Variants in RASSF8 observed in about 807,000 individuals in gnomAD.
RASSF8 encodes the protein Ras association domain family member 8.
RASSF8 carries 22 observed loss-of-function variants against 48.5 expected under a neutral mutation model. That is an observed-to-expected ratio of 0.45 (90% confidence interval 0.32 to 0.65). RASSF8 has a LOEUF of 0.65. Among genes scored for constraint, RASSF8 ranks in the 30% least tolerant of loss-of-function variants. RASSF8 has a pLI of 0.03. For synonymous variants in RASSF8, 127 were observed against 171.5 expected (o/e 0.74, Z 2.03); for missense variants, 418 against 489.2 (o/e 0.85, Z 1.37).
intron 2 of RASSF8, among the ~76,000 whole-genome samples, chr12:26,050,164 G>A (rs925729339): frequency 3.3e-5 from 5 of 152,294 alleles, no homozygotes; most frequent in African/African-American, 1.2e-4. Flanking sequence ...TATACTAGAT[G>A]TGACTGAAAT....
intron 2 of RASSF8, among the ~76,000 whole-genome samples, chr12:26,033,165 T>C (rs1943064098): frequency 6.6e-6 from 1 of 152,218 alleles, no homozygotes. Flanking sequence ...TACTCTGTAA[T>C]GAGACCAGAG....
At chr12:26,005,097 T>G (rs1216986869) in intron 2 of RASSF8, among the ~76,000 whole-genome samples, 1 of 152,174 alleles carries the variant, frequency 6.6e-6, no homozygotes, top group Non-Finnish European at 1.5e-5. Context: ...TTTCTTGGGT[T>G]TCTCTGCAGA....
chr12:25,975,318 A>G (rs565872302), intron 1 of RASSF8, among the ~76,000 whole-genome samples: 3 of 152,336 alleles, frequency 2.0e-5, no homozygotes, highest in South Asian at 4.1e-4. Context: ...GAGGTTAGGA[A>G]TACTTACCCA....
In RASSF8 at chr12:26,055,404, A is replaced by G; in HGVS notation, c.61A>G (p.Thr21Ala). Reference protein sequence around the residue: ...QRIVCGVTEVTTCQEVVIALA... With the variant: ...QRIVCGVTEVATCQEVVIALA... ...GATTGTTTGTGGAGTCACTGAAGTC[A>G]CAACTTGCCAGGAGGTTGTCATAGC... Residue 21 changes from threonine to alanine, a missense_variant, in exon 3 of 6, where the codon ACA (threonine) becomes GCA (alanine). Thr to Ala is a moderately conservative substitution (Grantham distance 58). Transcript: ENST00000689635. The G allele has an allele frequency of 6.2e-7, 1 of 1,614,170 alleles. No individual in the cohort carries two copies. Among genetic ancestry groups the G allele is most frequent in the Non-Finnish European group, 8.5e-7 (1 of 1,179,998 alleles).
chr12:26,064,046 A>G (rs1232941734), intron 3 of RASSF8, among the ~76,000 whole-genome samples: 2 of 152,160 alleles, frequency 1.3e-5, no homozygotes, highest in Non-Finnish European at 2.9e-5. Context: ...CTGATGTGGA[A>G]AAAAGCCGAG....
chr12:26,030,324 T>G (rs181772662), intron 2 of RASSF8, among the ~76,000 whole-genome samples: 13 of 150,262 alleles, frequency 8.7e-5, no homozygotes, highest in Non-Finnish European at 1.3e-4. Flanking sequence ...GTGTAAATCT[T>G]CCTTCTTTCT....
At chr12:26,021,877 A>G (rs1362114983) in intron 2 of RASSF8, among the ~76,000 whole-genome samples, 1 of 152,188 alleles carries the variant, frequency 6.6e-6, no homozygotes, top group East Asian at 1.9e-4. Context: ...AGTGTGGGGA[A>G]CTTCAAGCCT....
At position 26,054,107 on chromosome 12, in the gene RASSF8, C is replaced by A. The variant is rs534352480; in HGVS notation, c.-108-1129C>A. On this transcript the variant is annotated intron_variant, in intron 2 of 5. Transcript: ENST00000689635. ...AAACCTATAAACAAATCCAAATGTT[C>A]TCTTAATTAAATCAATGTTTATTAT... Among the ~76,000 whole-genome samples the A allele has an allele frequency of 3.7e-4, 56 of 152,290 alleles. 1 individual carries two copies. The highest frequency in any genetic ancestry group is 1.3e-3 in the African/African-American group (56 of 41,568).
exon 6 of RASSF8, chr12:26,079,232 A>T: frequency 1.9e-6 from 1 of 514,774 alleles, no homozygotes; most frequent in Non-Finnish European, 3.4e-6. Flanking sequence ...GTAAGGGTTT[A>T]ATATCCAAAC....
At chr12:26,015,787 T>C (rs1180643436) in intron 2 of RASSF8, among the ~76,000 whole-genome samples, 2 of 152,216 alleles carry the variant, frequency 1.3e-5, no homozygotes, top group South Asian at 2.1e-4. Context: ...AAATAACTCA[T>C]TAGCAATGTT....
At chr12:25,990,064 T>C (rs1941978250) in intron 1 of RASSF8, among the ~76,000 whole-genome samples, 1 of 143,786 alleles carries the variant, frequency 7.0e-6, no homozygotes, top group African/African-American at 3.0e-5. Flanking sequence ...CTGGGACTTA[T>C]TTGTTGAGTG....
At chr12:26,011,942 T>C (rs967027386) in intron 2 of RASSF8, 4 of 152,254 alleles carry the variant, frequency 2.6e-5, no homozygotes, top group Non-Finnish European at 4.4e-5. Flanking sequence ...TTTAAAGCTT[T>C]GTTATTTTAT....
chr12:26,003,901 G>C (rs1942321936), intron 2 of RASSF8, among the ~76,000 whole-genome samples: 1 of 152,124 alleles, frequency 6.6e-6, no homozygotes, highest in African/African-American at 2.4e-5. Context: ...AAGGGGCCAG[G>C]TGCGGTGGCT....
At chr12:25,970,359 C>T (rs1388190287) in intron 1 of RASSF8, among the ~76,000 whole-genome samples, 2 of 152,098 alleles carry the variant, frequency 1.3e-5, no homozygotes, top group Non-Finnish European at 2.9e-5. Flanking sequence ...CCTTAATTTC[C>T]TGCCGGGATT....
intron 1 of RASSF8, among the ~76,000 whole-genome samples, chr12:25,971,375 CT>C (rs761150437): frequency 9.2e-5 from 14 of 152,150 alleles, no homozygotes; most frequent in Non-Finnish European, 1.9e-4. Context: ...TATGCACAGC[CT>C]TTCTGTTGTG....
chr12:26,030,480 C>A (rs1485661951), intron 2 of RASSF8, among the ~76,000 whole-genome samples: 2 of 152,056 alleles, frequency 1.3e-5, no homozygotes, highest in African/African-American at 4.8e-5. Flanking sequence ...GGATTCTATT[C>A]CTTTTATTCC....
Position 26,055,460 on chromosome 12 carries a change from G to C in RASSF8, c.103+14G>C, listed in dbSNP as rs200999145. On this transcript the variant is annotated intron_variant, in intron 3 of 5. Transcript: ENST00000689635. The stretch of plus-strand genomic sequence containing the variant: ...CTCAAGCAATAGGTGAGTGAACTCT[G>C]TGGGTATCTGAGAAAAGTACATTGT... 277 of 1,587,684 alleles carry C rather than the reference G, an allele frequency of 1.7e-4. No homozygotes were observed. In the African/African-American group the frequency reaches 3.3e-3, roughly 19 times the overall value.
intron 2 of RASSF8, among the ~76,000 whole-genome samples, chr12:25,995,755 T>C (rs1288285698): frequency 6.6e-6 from 1 of 152,210 alleles, no homozygotes; most frequent in Non-Finnish European, 1.5e-5. Flanking sequence ...CTTGAGCATT[T>C]AAATGACTTA....
intron 2 of RASSF8, among the ~76,000 whole-genome samples, chr12:26,001,581 G>A (rs1165314602): frequency 6.6e-6 from 1 of 151,280 alleles, no homozygotes. Context: ...GAACTTTTTT[G>A]TTAAAAACTA....
Sources: gnomAD v4.1 joint callset for allele counts (sites outside exome capture counted in the v4.1 genomes callset) on GRCh38, gnomAD v4.1.1 for gene constraint, MANE v1.5 for transcripts, NCBI Gene and HGNC (gene_info 2026-07-23, HGNC 2026-07-21) for gene names.